KCNIP4: variants seen among roughly 807,000 people sequenced by gnomAD.
The protein encoded by KCNIP4 is Kv channel-interacting protein 4.
KCNIP4 carries 12 observed loss-of-function variants against 34.0 expected under a neutral mutation model. That is an observed-to-expected ratio of 0.35 (90% confidence interval 0.23 to 0.57). KCNIP4 has a LOEUF of 0.57. Ranked by LOEUF, KCNIP4 falls within the 20% of genes least tolerant of loss-of-function variation. KCNIP4 has a pLI of 0.83. For missense variants in KCNIP4, 238 were observed against 311.7 expected, an observed-to-expected ratio of 0.76 and a Z score of 1.78; for synonymous variants, 124 against 102.2, an observed-to-expected ratio of 1.21 and a Z score of -1.29.
intron 1 of KCNIP4, among the ~76,000 whole-genome samples, chr4:21,546,193 A>G (rs190302449): frequency 6.6e-6 from 1 of 152,264 alleles, no homozygotes; most frequent in East Asian, 1.9e-4. Context: ...TTGGGGACCT[A>G]TAATCATAGC....
intron 1 of KCNIP4, among the ~76,000 whole-genome samples, chr4:21,269,314 T>G (rs7679984): frequency 0.55 from 84,269 of 152,136 alleles, 26,190 homozygotes; most frequent in African/African-American, 0.85. Flanking sequence ...CATAAGTAAG[T>G]GTGATGCGGA....
At chr4:21,273,933 T>C (rs1762298612) in intron 1 of KCNIP4, among the ~76,000 whole-genome samples, 1 of 152,204 alleles carries the variant, frequency 6.6e-6, no homozygotes, top group African/African-American at 2.4e-5. Context: ...TATTCATATC[T>C]AAATTTGAAA....
chr4:21,928,839 GAGACTCAAT>G (rs1729409511), intron 1 of KCNIP4, among the ~76,000 whole-genome samples: 1 of 151,740 alleles, frequency 6.6e-6, no homozygotes, highest in Non-Finnish European at 1.5e-5. Context: ...TCCCCAAGAA[GAGACTCAAT>G]ACCCCATATT....
chr4:21,178,913 G>T (rs1754641725), intron 1 of KCNIP4, among the ~76,000 whole-genome samples: 1 of 151,472 alleles, frequency 6.6e-6, no homozygotes, highest in African/African-American at 2.4e-5. Context: ...GACCTCCTGG[G>T]TTCAGGTGAT....
intron 1 of KCNIP4, among the ~76,000 whole-genome samples, chr4:21,468,693 C>T (rs1294915874): frequency 6.6e-6 from 1 of 152,158 alleles, no homozygotes; most frequent in Non-Finnish European, 1.5e-5. Context: ...TTAATAGGAA[C>T]TTAGAGACTG....
chr4:21,215,009 T>G (rs1199609093), intron 1 of KCNIP4, among the ~76,000 whole-genome samples: 1 of 152,140 alleles, frequency 6.6e-6, no homozygotes, highest in Admixed American at 6.5e-5. Context: ...ACATGCAGTG[T>G]TCACTAGTAG....
intron 1 of KCNIP4, among the ~76,000 whole-genome samples, chr4:21,170,628 C>A (rs1290783442): frequency 1.3e-5 from 2 of 152,010 alleles, no homozygotes; most frequent in African/African-American, 4.8e-5. Context: ...TATAGAGAAA[C>A]CTGAATTGAA....
At chr4:21,694,932 A>AC (rs1560637202) in intron 1 of KCNIP4, among the ~76,000 whole-genome samples, 3 of 91,788 alleles carry the variant, frequency 3.3e-5, no homozygotes, top group Non-Finnish European at 6.6e-5. Context: ...AAAAAAAAAT[A>AC]AAAATAAATA....
At chr4:20,807,570 G>T (rs1378622118) in intron 3 of KCNIP4, among the ~76,000 whole-genome samples, 1 of 152,004 alleles carries the variant, frequency 6.6e-6, no homozygotes, top group Non-Finnish European at 1.5e-5. Flanking sequence ...CCCTTTAAAA[G>T]AAAAAGGCTG....
At chr4:21,156,361 G>A (rs777257242) in intron 1 of KCNIP4, among the ~76,000 whole-genome samples, 10 of 152,118 alleles carry the variant, frequency 6.6e-5, no homozygotes, top group Non-Finnish European at 1.2e-4. Context: ...GGCTAAAATG[G>A]TTATGAAAGT....
intron 1 of KCNIP4, among the ~76,000 whole-genome samples, chr4:21,260,378 C>T (rs758170976): frequency 1.3e-5 from 2 of 152,134 alleles, no homozygotes; most frequent in African/African-American, 4.8e-5. Context: ...TATAAGTATT[C>T]GTGATTGCTG....
At chr4:21,933,527 C>T (rs1283377899) in intron 1 of KCNIP4, among the ~76,000 whole-genome samples, 1 of 152,026 alleles carries the variant, frequency 6.6e-6, no homozygotes, top group Admixed American at 6.6e-5. Context: ...TTCCTATAGC[C>T]TCCTGTGCTT....
intron 1 of KCNIP4, among the ~76,000 whole-genome samples, chr4:20,937,222 CTTTTTTTTTTTTT>C (rs397992488): frequency 2.0e-4 from 9 of 45,524 alleles, no homozygotes; most frequent in East Asian, 7.6e-4. Flanking sequence ...CCCAAGGAGT[CTTTTTTTTTTTTT>C]TTTTTTTTTT....
chr4:21,067,226 T>C (rs570325699), intron 1 of KCNIP4, among the ~76,000 whole-genome samples: 3 of 152,208 alleles, frequency 2.0e-5, no homozygotes, highest in East Asian at 3.9e-4. Context: ...AAAGAACCCT[T>C]GGGCCCTGAA....
chr4:20,961,617 CTG>C (rs965806652), intron 1 of KCNIP4, among the ~76,000 whole-genome samples: 1 of 152,146 alleles, frequency 6.6e-6, no homozygotes, highest in Non-Finnish European at 1.5e-5. Context: ...TTGTGATCAA[CTG>C]AGTGCTTGTA....
intron 1 of KCNIP4, among the ~76,000 whole-genome samples, chr4:21,543,824 A>G (rs1368504861): frequency 2.6e-5 from 4 of 152,158 alleles, no homozygotes; most frequent in Non-Finnish European, 5.9e-5. Context: ...GATTTTCATT[A>G]TAGATTACCT....
intron 1 of KCNIP4, among the ~76,000 whole-genome samples, chr4:21,013,648 A>G (rs1739258370): frequency 6.6e-6 from 1 of 152,122 alleles, no homozygotes; most frequent in Non-Finnish European, 1.5e-5. Flanking sequence ...TACACAAGAT[A>G]AAGCTTCTTT....
At chr4:21,741,160 C>A (rs997115797) in intron 1 of KCNIP4, among the ~76,000 whole-genome samples, 2 of 152,126 alleles carry the variant, frequency 1.3e-5, no homozygotes, top group African/African-American at 4.8e-5. Flanking sequence ...CATTTCCAAA[C>A]CCAATTTTAT....
chr4:21,492,217 T>C (rs1015854375), intron 1 of KCNIP4, among the ~76,000 whole-genome samples: 2 of 151,956 alleles, frequency 1.3e-5, no homozygotes, highest in African/African-American at 4.8e-5. Flanking sequence ...TGAGCAGATA[T>C]ACATATACTT....
Sources: allele counts gnomAD v4.1 joint callset (sites outside exome capture counted in the v4.1 genomes callset), GRCh38; gene constraint gnomAD v4.1.1; transcripts MANE v1.5; gene names NCBI Gene and HGNC (gene_info 2026-07-23, HGNC 2026-07-21).